The following LRRN2 variants were observed in gnomAD, a reference collection of about 807,000 sequenced individuals.
LRRN2 encodes leucine rich repeat neuronal 2, also known as leucine-rich repeat neuronal protein 2.
A neutral mutation model predicts 35.7 loss-of-function variants in LRRN2; 10 were observed. The ratio of observed to expected loss-of-function variants is 0.28; its 90% CI spans 0.17 to 0.47. The LOEUF (loss-of-function observed/expected upper bound fraction) is 0.47, where lower values mean the gene tolerates loss of function less well. LRRN2 is among the 20% of genes least tolerant of loss of function. The pLI is 0.99. For missense variants in LRRN2, 731 were observed against 940.3 expected (o/e 0.78, Z 2.91); for synonymous variants, 391 against 409.6 (o/e 0.95, Z 0.55).
chr1:204,645,198 G>A (rs574076769), intron 1 of LRRN2, among the ~76,000 whole-genome samples: 67 of 152,290 alleles, frequency 4.4e-4, no homozygotes, highest in African/African-American at 1.4e-3. Context: ...AAACTGAGGC[G>A]GCTTATTTGC....
intron 1 of LRRN2, among the ~76,000 whole-genome samples, chr1:204,662,887 C>T (rs1668500080): frequency 6.6e-6 from 1 of 152,114 alleles, no homozygotes; most frequent in Non-Finnish European, 1.5e-5. Flanking sequence ...ACTTGTTTAA[C>T]TAAACTCCTT....
chr1:204,627,683 C>T (rs1030719285), intron 1 of LRRN2, among the ~76,000 whole-genome samples: 8 of 152,248 alleles, frequency 5.3e-5, no homozygotes, highest in Admixed American at 2.0e-4. Flanking sequence ...GTTGGGGGCA[C>T]GGAGGCAGCT....
At chr1:204,650,820 G>T (rs1238528203) in intron 1 of LRRN2, among the ~76,000 whole-genome samples, 1 of 152,116 alleles carries the variant, frequency 6.6e-6, no homozygotes, top group Non-Finnish European at 1.5e-5. Flanking sequence ...TACTTGGGGG[G>T]ATAGATGGAC....
chr1:204,641,078 G>A (rs1254146645), intron 1 of LRRN2, among the ~76,000 whole-genome samples: 1 of 151,076 alleles, frequency 6.6e-6, no homozygotes, highest in Admixed American at 6.6e-5. Context: ...CTCATGCCTG[G>A]ATGCCTGATA....
rs1170064306 is a variant in LRRN2, at chr1:204,623,281, A to G, written c.-226-3063T>C. Reference sequence around the variant, plus strand: ...GTTCTAAGCGCTGAGTCCGTGCTCAACTGCACTGAGGGGATCAAGGAACCA... The same window carrying G: ...GTTCTAAGCGCTGAGTCCGTGCTCAGCTGCACTGAGGGGATCAAGGAACCA... On this transcript the variant is annotated intron_variant, in intron 1 of 1. Transcript: ENST00000367177. Among the ~76,000 whole-genome samples the G allele has an allele frequency of 3.3e-5, 5 of 152,200 alleles. No individual in the cohort carries two copies. The South Asian group carries it at 6.2e-4, about 19-fold the overall frequency.
intron 1 of LRRN2, among the ~76,000 whole-genome samples, chr1:204,645,066 A>G (rs986286631): frequency 6.6e-6 from 1 of 152,234 alleles, no homozygotes; most frequent in Non-Finnish European, 1.5e-5. Context: ...ACACCTGCAC[A>G]GAGAGGGAGA....
intron 1 of LRRN2, among the ~76,000 whole-genome samples, chr1:204,657,537 T>C (rs1668386678): frequency 1.3e-5 from 2 of 151,868 alleles, no homozygotes; most frequent in Non-Finnish European, 2.9e-5. Flanking sequence ...AGCAAATCTA[T>C]AGAGACAGAA....
intron 1 of LRRN2, among the ~76,000 whole-genome samples, chr1:204,658,847 T>C (rs1436300209): frequency 2.0e-5 from 3 of 152,244 alleles, no homozygotes; most frequent in Non-Finnish European, 4.4e-5. Context: ...GCATCTTTTT[T>C]ACTCCTTTAC....
At chr1:204,674,873 G>A (rs565921372) in intron 1 of LRRN2, among the ~76,000 whole-genome samples, 23 of 152,338 alleles carry the variant, frequency 1.5e-4, no homozygotes, top group African/African-American at 4.6e-4. Flanking sequence ...ATCTTCCTGC[G>A]CCAGTGCTCA....
chr1:204,627,173 G>GTA, intron 1 of LRRN2: 1 of 152,284 alleles, frequency 6.6e-6, no homozygotes, highest in Non-Finnish European at 1.5e-5. Context: ...CCATCCTTCT[G>GTA]TGAGGGACAT....
intron 1 of LRRN2, among the ~76,000 whole-genome samples, chr1:204,659,273 G>C (rs996123123): frequency 6.6e-6 from 1 of 152,210 alleles, no homozygotes; most frequent in African/African-American, 2.4e-5. Context: ...TTCCCTGGTA[G>C]CAATTAGGCT....
At chr1:204,666,869 G>A (rs377112475) in intron 1 of LRRN2, among the ~76,000 whole-genome samples, 73 of 149,798 alleles carry the variant, frequency 4.9e-4, no homozygotes, top group African/African-American at 1.4e-3. Flanking sequence ...GGCTGAGGCC[G>A]GAGAATTGCT....
intron 1 of LRRN2, among the ~76,000 whole-genome samples, chr1:204,679,173 G>T (rs1236899771): frequency 6.6e-6 from 1 of 152,176 alleles, no homozygotes; most frequent in Non-Finnish European, 1.5e-5. Context: ...GCCTGAAGCT[G>T]TCTGAGCCCC....
chr1:204,682,459 T>C (rs917362558), intron 1 of LRRN2, among the ~76,000 whole-genome samples: 3 of 152,190 alleles, frequency 2.0e-5, no homozygotes, highest in Admixed American at 6.5e-5. Context: ...GTCACAGATA[T>C]CATAGGGCCA....
intron 1 of LRRN2, among the ~76,000 whole-genome samples, chr1:204,637,724 A>G (rs1667869445): frequency 6.8e-6 from 1 of 147,858 alleles, no homozygotes; most frequent in Admixed American, 6.7e-5. Flanking sequence ...GGTGGTAGAG[A>G]GGACTCCTCT....
intron 1 of LRRN2, among the ~76,000 whole-genome samples, chr1:204,683,351 A>G (rs1024637226): frequency 6.6e-6 from 1 of 152,078 alleles, no homozygotes; most frequent in Non-Finnish European, 1.5e-5. Context: ...AGAAAGGGAG[A>G]TATCTGGGGA....
intron 1 of LRRN2, among the ~76,000 whole-genome samples, chr1:204,645,545 A>G (rs529778112): frequency 1.3e-5 from 2 of 152,212 alleles, no homozygotes; most frequent in African/African-American, 4.8e-5. Flanking sequence ...CGGAATCATC[A>G]TGGCAACTCT....
chr1:204,622,004 G>A (rs1232566891), intron 1 of LRRN2: 1 of 167,126 alleles, frequency 6.0e-6, no homozygotes, highest in African/African-American at 2.4e-5. Flanking sequence ...AAGAGACTGA[G>A]GTCCTGAAGA....
intron 1 of LRRN2, among the ~76,000 whole-genome samples, chr1:204,653,742 G>C (rs971314467): frequency 1.3e-5 from 2 of 151,192 alleles, no homozygotes; most frequent in Admixed American, 6.6e-5. Flanking sequence ...TGCAACCTTA[G>C]TCCCAGCTAC....
Sources: allele counts gnomAD v4.1 joint callset (sites outside exome capture counted in the v4.1 genomes callset), GRCh38; gene constraint gnomAD v4.1.1; transcripts MANE v1.5; gene names NCBI Gene and HGNC (gene_info 2026-07-23, HGNC 2026-07-21).